Variants in CMIP observed in about 807,000 individuals in gnomAD.
The protein encoded by CMIP is C-Maf-inducing protein.
A neutral mutation model predicts 97.3 loss-of-function variants in CMIP; 13 were observed. The observed-to-expected ratio is 0.13, with a 90% CI of 0.09 to 0.21. The LOEUF is 0.21. Among genes scored for constraint, CMIP ranks in the 10% least tolerant of loss-of-function variants. The pLI is 1.00. For missense variants in CMIP, 847 were observed against 1,024.9 expected (o/e 0.83, Z 2.37); for synonymous variants, 538 against 436.3 (o/e 1.23, Z -2.91).
At chr16:81,547,877 A>C (rs992108556) in intron 1 of CMIP, among the ~76,000 whole-genome samples, 3 of 152,160 alleles carry the variant, frequency 2.0e-5, no homozygotes, top group Admixed American at 6.5e-5. Flanking sequence ...GTGCTGTGGC[A>C]ACAAAGGAAT....
chr16:81,558,183 C>T (rs891326810), intron 1 of CMIP, among the ~76,000 whole-genome samples: 6 of 152,164 alleles, frequency 3.9e-5, no homozygotes, highest in Admixed American at 6.5e-5. Flanking sequence ...CTTCTCCATC[C>T]GTCCGTCCAT....
At chr16:81,450,339 G>A (rs1157175477) in intron 1 of CMIP, among the ~76,000 whole-genome samples, 2 of 152,188 alleles carry the variant, frequency 1.3e-5, no homozygotes, top group Admixed American at 6.5e-5. Context: ...TGGGTTTTGC[G>A]TTCTCATGGC....
chr16:81,458,389 T>C (rs1247322353), intron 1 of CMIP, among the ~76,000 whole-genome samples: 1 of 152,018 alleles, frequency 6.6e-6, no homozygotes, highest in Non-Finnish European at 1.5e-5. Flanking sequence ...CAGTCTGGGG[T>C]TCTTCTGTTG....
intron 1 of CMIP, among the ~76,000 whole-genome samples, chr16:81,592,041 C>G (rs977300909): frequency 1.3e-5 from 2 of 151,992 alleles, no homozygotes; most frequent in Non-Finnish European, 2.9e-5. Context: ...CCTGGCTGGT[C>G]TCAAACTCCT....
chr16:81,477,815 A>T (rs548974043), intron 1 of CMIP, among the ~76,000 whole-genome samples: 1 of 152,214 alleles, frequency 6.6e-6, no homozygotes, highest in South Asian at 2.1e-4. Context: ...AGTTCCTGCC[A>T]TTTTGCCTGC....
At chr16:81,701,286 C>T (rs1253821533) in intron 15 of CMIP, among the ~76,000 whole-genome samples, 1 of 152,178 alleles carries the variant, frequency 6.6e-6, no homozygotes, top group Admixed American at 6.5e-5. Flanking sequence ...GCACCTACTT[C>T]ATGACAGCCA....
intron 6 of CMIP, among the ~76,000 whole-genome samples, chr16:81,661,173 C>T (rs2092541886): frequency 6.6e-6 from 1 of 152,250 alleles, no homozygotes; most frequent in African/African-American, 2.4e-5. Context: ...CTTGCTTTTC[C>T]TTGGAATCAC....
At chr16:81,675,419 A>G (rs1487640646) in intron 9 of CMIP, among the ~76,000 whole-genome samples, 1 of 136,174 alleles carries the variant, frequency 7.3e-6, no homozygotes, top group South Asian at 2.3e-4. Flanking sequence ...GGGTTTCGCC[A>G]TGTTGGCCAG....
At chr16:81,606,226 T>G (rs942062515) in intron 1 of CMIP, among the ~76,000 whole-genome samples, 1 of 152,208 alleles carries the variant, frequency 6.6e-6, no homozygotes. Flanking sequence ...CTAGATGACC[T>G]TGGGCAAATC....
intron 1 of CMIP, among the ~76,000 whole-genome samples, chr16:81,537,128 C>T (rs2090357787): frequency 6.6e-6 from 1 of 152,212 alleles, no homozygotes; most frequent in South Asian, 2.1e-4. Context: ...AACTGGGCTA[C>T]AGACTCAGAG....
intron 2 of CMIP, among the ~76,000 whole-genome samples, chr16:81,608,508 T>G (rs754353465): frequency 6.6e-6 from 1 of 152,080 alleles, no homozygotes; most frequent in East Asian, 1.9e-4. Context: ...CCAGTACCTT[T>G]TACAAAATCT....
chr16:81,540,068 C>T (rs2090420268), intron 1 of CMIP, among the ~76,000 whole-genome samples: 1 of 152,214 alleles, frequency 6.6e-6, no homozygotes, highest in South Asian at 2.1e-4. Flanking sequence ...GTAATCTCAG[C>T]CACCTTGAAA....
intron 3 of CMIP, among the ~76,000 whole-genome samples, chr16:81,643,843 T>C (rs7201632): frequency 0.35 from 53,302 of 151,936 alleles, 11,077 homozygotes; most frequent in Non-Finnish European, 0.46. Flanking sequence ...GTGTGTGGAT[T>C]TTACCTCAAT....
chr16:81,629,690 C>T (rs901233887), intron 3 of CMIP, among the ~76,000 whole-genome samples: 2 of 152,240 alleles, frequency 1.3e-5, no homozygotes, highest in Admixed American at 6.5e-5. Context: ...TGGCCAGGCA[C>T]ATGGACAGTC....
At chr16:81,526,554 A>C (rs543971667) in intron 1 of CMIP, among the ~76,000 whole-genome samples, 3 of 152,018 alleles carry the variant, frequency 2.0e-5, no homozygotes, top group African/African-American at 7.2e-5. Flanking sequence ...GGGATCTGTT[A>C]CTCCATTGGA....
chr16:81,501,863 C>T (rs142227076), intron 1 of CMIP, among the ~76,000 whole-genome samples: 83 of 152,226 alleles, frequency 5.5e-4, no homozygotes, highest in African/African-American at 1.5e-3. Flanking sequence ...CCGCCCACCT[C>T]GGCCTCCCAA....
At position 81,693,499 on chromosome 16, in the gene CMIP, G is replaced by T; in HGVS notation, c.1530+12G>T. 1 of 1,610,056 alleles carries T rather than the reference G, an allele frequency of 6.2e-7. No homozygotes were observed. ...ACCCCAGGCAAGAGGTGAGGCCTTTGTTTCTGCATCTCAGGCCGGCTGTCT... is the reference window on the plus strand; with the variant it reads ...ACCCCAGGCAAGAGGTGAGGCCTTTTTTTCTGCATCTCAGGCCGGCTGTCT... On this transcript the variant is annotated intron_variant, in intron 13 of 20. Coordinates refer to ENST00000537098, the MANE Select transcript of CMIP (RefSeq NM_198390.3).
intron 1 of CMIP, among the ~76,000 whole-genome samples, chr16:81,582,766 C>A (rs2091316979): frequency 6.6e-6 from 1 of 152,126 alleles, no homozygotes; most frequent in Non-Finnish European, 1.5e-5. Flanking sequence ...CTAAAAGCAG[C>A]AAATCAGGAT....
At chr16:81,567,111 A>G (rs1382240406) in intron 1 of CMIP, among the ~76,000 whole-genome samples, 1 of 152,228 alleles carries the variant, frequency 6.6e-6, no homozygotes, top group Non-Finnish European at 1.5e-5. Context: ...ACCCAGAGAC[A>G]AGCATCCTTC....
Sources: allele counts gnomAD v4.1 joint callset (sites outside exome capture counted in the v4.1 genomes callset), GRCh38; gene constraint gnomAD v4.1.1; transcripts MANE v1.5; gene names NCBI Gene and HGNC (gene_info 2026-07-23, HGNC 2026-07-21).